MAPKAPK3: variants seen among roughly 807,000 people sequenced by gnomAD.
MAPKAPK3 encodes MAP kinase-activated protein kinase 3.
MAPKAPK3 carries 35 observed loss-of-function variants against 49.2 expected under a neutral mutation model. That is an observed-to-expected ratio of 0.71 (90% CI 0.54 to 0.94). The LOEUF (loss-of-function observed/expected upper bound fraction) is 0.94. Ranked by LOEUF, MAPKAPK3 falls within the 40% of genes least tolerant of loss-of-function variation. The pLI is 0.00. For synonymous variants in MAPKAPK3, 178 were observed against 188.7 expected (o/e 0.94, Z 0.46); for missense variants, 398 against 493.1 (o/e 0.81, Z 1.83).
chr3:50,636,162 G>A (rs964699735), intron 2 of MAPKAPK3, among the ~76,000 whole-genome samples: 8 of 152,116 alleles, frequency 5.3e-5, no homozygotes, highest in East Asian at 1.9e-4. Context: ...GTCAGGCCCC[G>A]TATCCCAGTA....
chr3:50,621,841 C>T (rs563097177), intron 2 of MAPKAPK3, among the ~76,000 whole-genome samples: 3 of 152,238 alleles, frequency 2.0e-5, no homozygotes, highest in Admixed American at 2.0e-4. Flanking sequence ...CTTTCCTGCC[C>T]CTGTGTTATG....
upstream of MAPKAPK3, among the ~76,000 whole-genome samples, chr3:50,614,356 T>C (rs959477308): frequency 6.6e-6 from 1 of 152,090 alleles, no homozygotes; most frequent in Non-Finnish European, 1.5e-5. Flanking sequence ...GGATTGAACT[T>C]ACTGCAAGAT....
chr3:50,618,338 C>A (rs895640475), intron 2 of MAPKAPK3, among the ~76,000 whole-genome samples: 1 of 152,176 alleles, frequency 6.6e-6, no homozygotes, highest in Non-Finnish European at 1.5e-5. Flanking sequence ...AGACTCCTGA[C>A]GAGTCGCTGG....
chr3:50,629,078 C>T (rs955140375), intron 2 of MAPKAPK3, among the ~76,000 whole-genome samples: 7 of 152,132 alleles, frequency 4.6e-5, no homozygotes, highest in African/African-American at 1.4e-4. Context: ...TCCCATTCCC[C>T]AGGGTCGCTC....
At chr3:50,636,435 A>T (rs2033042699) in intron 2 of MAPKAPK3, among the ~76,000 whole-genome samples, 1 of 152,242 alleles carries the variant, frequency 6.6e-6, no homozygotes, top group Non-Finnish European at 1.5e-5. Flanking sequence ...AAGAGTTATC[A>T]AAGGAACAAG....
intron 2 of MAPKAPK3, among the ~76,000 whole-genome samples, chr3:50,630,305 T>TTGGGA (rs2032870925): frequency 6.6e-6 from 1 of 152,204 alleles, no homozygotes; most frequent in African/African-American, 2.4e-5. Context: ...GCATTCCCAG[T>TTGGGA]CCCAGTCCAG....
Position 50,646,745 on chromosome 3 carries a change from C to T in MAPKAPK3, c.835C>T (p.Gln279Ter). Residue 279 changes from glutamine to a stop codon, truncating the protein, a stop_gained, in exon 9 of 11, where the codon CAG (glutamine) becomes TAG (stop). Coordinates refer to ENST00000621469, the MANE Select transcript of MAPKAPK3 (RefSeq NM_001243925.2). LOFTEE classifies it high-confidence loss of function. ...EWSEVSEDAK[Q>*]LIRLLLKTDP... ...CTCTTCCCTGGCCCCCCTAGCCAAGCAGCTGATCCGCCTCCTGTTGAAGAC... is the reference window on the plus strand; with the variant it reads ...CTCTTCCCTGGCCCCCCTAGCCAAGTAGCTGATCCGCCTCCTGTTGAAGAC... 1.9e-6 allele frequency: 3 copies of T among 1,614,038 alleles called. No homozygotes were observed. The highest frequency in any genetic ancestry group is 2.2e-5 in the East Asian group (1 of 44,862).
chr3:50,642,450 G>A (rs2033198412), intron 5 of MAPKAPK3, 118 bp downstream of exon 5: 4 of 732,460 alleles, frequency 5.5e-6, no homozygotes, highest in Admixed American at 4.4e-5. Flanking sequence ...CACATTCAAA[G>A]CCTCTGCTCT....
Position 50,642,260 on chromosome 3 carries a change from A to T in MAPKAPK3, c.432A>T (p.Ala144=), listed in dbSNP as rs376020826. 2.6e-5 allele frequency: 42 copies of T among 1,612,512 alleles called. No individual in the cohort carries two copies. Among genetic ancestry groups the T allele is most frequent in the Non-Finnish European group, 3.3e-5 (39 of 1,178,904 alleles). The change falls in exon 5 of 11, where the codon GCA becomes GCT. Residue 144 remains alanine, a synonymous_variant. Transcript: ENST00000621469. ...CCTCCTCTGTTTCTGCAGAAGCTGC[A>T]GAGATAATGCGGGATATTGGCACTG... ...GDQAFTEREA[A]EIMRDIGTAI... is the part of the protein sequence containing the mutation.
At chr3:50,642,564 A>G (rs1277484400) in intron 5 of MAPKAPK3, among the ~76,000 whole-genome samples, 1 of 152,226 alleles carries the variant, frequency 6.6e-6, no homozygotes, top group Non-Finnish European at 1.5e-5. Flanking sequence ...AGTAATCCAA[A>G]TAGTAATAAG....
Position 50,646,226 on chromosome 3 carries a change from G to A in MAPKAPK3, c.791G>A (p.Gly264Asp), listed in dbSNP as rs761866056. The change falls in exon 8 of 11, where the codon GGC becomes GAC. Residue 264 changes from glycine to aspartate, a missense_variant. By Grantham distance (94) the Gly-to-Asp change is moderately conservative. Coordinates refer to ENST00000621469, the MANE Select transcript of MAPKAPK3 (RefSeq NM_001243925.2). ...AGGAGGATTCGCCTGGGCCAGTACG[G>A]CTTCCCCAATCCTGAGTGGTCAGAA... ...MKRRIRLGQY[G>D]FPNPEWSEVS... 5.0e-6 allele frequency: 8 copies of A among 1,614,174 alleles called. No homozygotes were observed. The highest frequency in any genetic ancestry group is 2.7e-5 in the African/African-American group (2 of 75,046).
chr3:50,616,861 C>T (rs1310035900), upstream of MAPKAPK3, among the ~76,000 whole-genome samples: 1 of 151,992 alleles, frequency 6.6e-6, no homozygotes, highest in Non-Finnish European at 1.5e-5. Context: ...TGCGCTGTCA[C>T]GTTCTAGGTT....
chr3:50,622,622 T>C (rs2032636805), intron 2 of MAPKAPK3, among the ~76,000 whole-genome samples: 1 of 152,242 alleles, frequency 6.6e-6, no homozygotes, highest in East Asian at 1.9e-4. Flanking sequence ...CTGGACTTTT[T>C]CCAGGTTGCA....
intron 2 of MAPKAPK3, among the ~76,000 whole-genome samples, chr3:50,621,162 A>AAATAAAAGC (rs1249403853): frequency 2.0e-5 from 3 of 152,148 alleles, no homozygotes; most frequent in African/African-American, 7.2e-5. Flanking sequence ...TAGTATCTCT[A>AAATAAAAGC]AATAAAAGCA....
chr3:50,639,926 T>C (rs1394531258), intron 2 of MAPKAPK3, among the ~76,000 whole-genome samples: 1 of 152,200 alleles, frequency 6.6e-6, no homozygotes, highest in Non-Finnish European at 1.5e-5. Flanking sequence ...ACAATTTACA[T>C]GTACAATTTC....
At chr3:50,637,017 T>A (rs1173340756) in intron 2 of MAPKAPK3, among the ~76,000 whole-genome samples, 2 of 152,122 alleles carry the variant, frequency 1.3e-5, no homozygotes, top group African/African-American at 4.8e-5. Flanking sequence ...ATGTGGGAAA[T>A]GGGTTCCTAA....
chr3:50,641,372 A>G (rs2033172664), intron 3 of MAPKAPK3, among the ~76,000 whole-genome samples: 1 of 152,276 alleles, frequency 6.6e-6, no homozygotes, highest in Non-Finnish European at 1.5e-5. Context: ...TTAACATCTC[A>G]TCCCACATTT....
intron 2 of MAPKAPK3, among the ~76,000 whole-genome samples, chr3:50,624,687 A>G (rs147413218): frequency 4.5e-4 from 68 of 152,256 alleles, no homozygotes; most frequent in Non-Finnish European, 7.6e-4. Context: ...TGGGGACATC[A>G]TCATGGAAGA....
Position 50,646,784 on chromosome 3 carries a change from A to C in MAPKAPK3, c.874A>C (p.Arg292=). Residue 292 remains arginine (R), a synonymous_variant, in exon 9 of 11, where the codon AGG becomes CGG. Transcript: ENST00000621469. ...RLLLKTDPTE[R]LTITQFMNHP... ...CCTGTTGAAGACAGACCCCACAGAG[A>C]GGCTGACCATCACTCAGTTCATGAA... 6.2e-7 allele frequency: 1 copy of C among 1,613,936 alleles called. No homozygotes were observed. The highest frequency in any genetic ancestry group is 1.1e-5 in the South Asian group (1 of 91,070).
Sources: gnomAD v4.1 joint callset for allele counts (sites outside exome capture counted in the v4.1 genomes callset) on GRCh38, gnomAD v4.1.1 for gene constraint, MANE v1.5 for transcripts, NCBI Gene and HGNC (gene_info 2026-07-23, HGNC 2026-07-21) for gene names.